The following NCOA2 variants were observed in gnomAD, a reference collection of about 807,000 sequenced individuals.
The protein encoded by NCOA2 is nuclear receptor coactivator 2.
NCOA2 carries 21 observed loss-of-function variants against 145.1 expected under a neutral mutation model. The ratio of observed to expected loss-of-function variants is 0.14; its 90% CI spans 0.10 to 0.21. NCOA2 has a LOEUF of 0.21. NCOA2 is among the 10% of genes least tolerant of loss of function. NCOA2 has a pLI of 1.00. For synonymous variants in NCOA2, 619 were observed against 637.5 expected (o/e 0.97, Z 0.44); for missense variants, 1,472 against 1,837.6 (o/e 0.80, Z 3.64).
At chr8:70,322,174 T>C (rs1806137997) in intron 1 of NCOA2, among the ~76,000 whole-genome samples, 1 of 152,078 alleles carries the variant, frequency 6.6e-6, no homozygotes. Flanking sequence ...TTTCATCATA[T>C]GGCACTAAGA....
At chr8:70,162,650 C>T in intron 9 of NCOA2, 61 bp downstream of exon 9, 2 of 1,522,328 alleles carry the variant, frequency 1.3e-6, no homozygotes, top group Non-Finnish European at 1.8e-6. Context: ...CTCCAGGAAT[C>T]ATTGACAGAA....
chr8:70,340,605 A>C (rs1309451590), intron 1 of NCOA2, among the ~76,000 whole-genome samples: 1 of 152,226 alleles, frequency 6.6e-6, no homozygotes, highest in Admixed American at 6.5e-5. Flanking sequence ...TATACACCCA[A>C]AGGAATATAA....
chr8:70,424,266 C>G, the NCOA2 span: 23,644 of 382,052 alleles, frequency 0.062, 1,074 homozygotes, highest in African/African-American at 0.16. Flanking sequence ...CTTCACGGAG[C>G]TTGTTATCCA....
At chr8:70,150,442 C>A (rs1161563967) in intron 11 of NCOA2, among the ~76,000 whole-genome samples, 2 of 152,180 alleles carry the variant, frequency 1.3e-5, no homozygotes, top group Non-Finnish European at 1.5e-5. Context: ...AGGGGCCATA[C>A]TGCATTTAAA....
At chr8:70,431,673 T>TTAGATATA in the NCOA2 span, among the ~76,000 whole-genome samples, 1 of 152,230 alleles carries the variant, frequency 6.6e-6, no homozygotes, top group Admixed American at 6.5e-5. Flanking sequence ...ATTTCAAACC[T>TTAGATATA]TGAATATGCT....
chr8:70,393,045 G>A (rs1813344891), intron 1 of NCOA2, among the ~76,000 whole-genome samples: 1 of 152,108 alleles, frequency 6.6e-6, no homozygotes, highest in East Asian at 1.9e-4. Flanking sequence ...GGAAGACATT[G>A]CCTCCCCTCA....
chr8:70,235,825 T>C (rs925987368), intron 2 of NCOA2, among the ~76,000 whole-genome samples: 22 of 152,098 alleles, frequency 1.4e-4, no homozygotes, highest in African/African-American at 2.9e-4. Flanking sequence ...GCCTGGACAA[T>C]AGAGTGAGAC....
At chr8:70,320,743 G>A (rs1007238975) in intron 1 of NCOA2, among the ~76,000 whole-genome samples, 7 of 152,012 alleles carry the variant, frequency 4.6e-5, no homozygotes, top group Non-Finnish European at 1.0e-4. Flanking sequence ...TAAAAAAAAG[G>A]TTTTCTTGGA....
chr8:70,423,442 C>T, the NCOA2 span, among the ~76,000 whole-genome samples: 14 of 152,280 alleles, frequency 9.2e-5, no homozygotes, highest in African/African-American at 2.4e-4. Context: ...CTTGGCCTCC[C>T]GGAGTGCTGG....
intron 4 of NCOA2, among the ~76,000 whole-genome samples, chr8:70,203,470 GA>G (rs970125389): frequency 6.6e-6 from 1 of 151,548 alleles, no homozygotes; most frequent in African/African-American, 2.4e-5. Flanking sequence ...AAACACCCAT[GA>G]AAAATGTACT....
At chr8:70,428,639 TA>T in the NCOA2 span, among the ~76,000 whole-genome samples, 1 of 151,998 alleles carries the variant, frequency 6.6e-6, no homozygotes, top group Non-Finnish European at 1.5e-5. Flanking sequence ...AAAATAAAAA[TA>T]ACTTGCTGTT....
intron 1 of NCOA2, among the ~76,000 whole-genome samples, chr8:70,326,632 G>C (rs1806612427): frequency 6.6e-6 from 1 of 152,062 alleles, no homozygotes; most frequent in Non-Finnish European, 1.5e-5. Context: ...ACAAATCATG[G>C]AGATCATTGG....
intron 2 of NCOA2, among the ~76,000 whole-genome samples, 158 bp downstream of exon 2, chr8:70,296,586 G>A (rs1206121216): frequency 1.3e-5 from 2 of 151,938 alleles, no homozygotes; most frequent in Non-Finnish European, 2.9e-5. Context: ...ACATTTGTAA[G>A]GAACTTTCAT....
chr8:70,143,527 A>G (rs1027733726), intron 13 of NCOA2, among the ~76,000 whole-genome samples: 1 of 152,202 alleles, frequency 6.6e-6, no homozygotes, highest in African/African-American at 2.4e-5. Flanking sequence ...ATATGACTAT[A>G]TAATTAGTGA....
chr8:70,443,974 TGCACACACACACAC>T, the NCOA2 span, among the ~76,000 whole-genome samples: 2 of 152,166 alleles, frequency 1.3e-5, no homozygotes, highest in Non-Finnish European at 2.9e-5. Flanking sequence ...CACGCGTGCT[TGCACACACACACAC>T]GCACACACAC....
intron 2 of NCOA2, among the ~76,000 whole-genome samples, chr8:70,257,842 C>T (rs531047342): frequency 4.0e-4 from 61 of 151,604 alleles, no homozygotes; most frequent in Non-Finnish European, 7.1e-4. Flanking sequence ...CTTGGATCTG[C>T]GTCTCCCTGT....
At chr8:70,172,083 C>T (rs527315659) in intron 5 of NCOA2, among the ~76,000 whole-genome samples, 2 of 152,274 alleles carry the variant, frequency 1.3e-5, no homozygotes, top group African/African-American at 4.8e-5. Context: ...GTCTCAGCCT[C>T]ACAAAGGGGT....
At chr8:70,417,084 T>G in the NCOA2 span, among the ~76,000 whole-genome samples, 4 of 151,760 alleles carry the variant, frequency 2.6e-5, no homozygotes, top group African/African-American at 9.7e-5. Context: ...TTTCTATAAA[T>G]GGTCATGTGG....
chr8:70,112,907 A>C lies in NCOA2; in HGVS notation c.*725T>G, dbSNP rs1257314612. ...TTCTTCTCAATTCATGATTCAGGTG[A>C]ACCAGTTTGGTTTTAACAAAGAAAA... On this transcript the variant is annotated 3_prime_UTR_variant, in exon 23 of 23. Coordinates refer to ENST00000452400, the MANE Select transcript of NCOA2 (RefSeq NM_006540.4). 3 of 198,584 alleles carry C rather than the reference A, an allele frequency of 1.5e-5. No individual in the cohort carries two copies. Among genetic ancestry groups the C allele is most frequent in the Non-Finnish European group, 3.1e-5 (3 of 96,088 alleles). 12.3% of individuals were successfully genotyped at this position (198,584 alleles called of 1,614,324 possible). A position where few individuals can be genotyped will look rare whatever the true frequency, so the allele number is the denominator to read the frequency against.
Sources: allele counts gnomAD v4.1 joint callset (sites outside exome capture counted in the v4.1 genomes callset), GRCh38; gene constraint gnomAD v4.1.1; transcripts MANE v1.5; gene names NCBI Gene and HGNC (gene_info 2026-07-23, HGNC 2026-07-21).